The following PRR12 variants were observed in gnomAD, a reference collection of about 807,000 sequenced individuals.
PRR12 encodes proline-rich protein 12.
PRR12 carries 12 observed loss-of-function variants against 138.0 expected under a neutral mutation model. That is an observed-to-expected ratio of 0.09 (90% confidence interval 0.06 to 0.14). The LOEUF is 0.14. Among genes scored for constraint, PRR12 ranks in the 10% least tolerant of loss-of-function variants. The probability of loss-of-function intolerance (pLI) is 1.00; values close to 1 mark genes in which losing one functional copy is unlikely to be tolerated. For synonymous variants in PRR12, 1,567 were observed against 1,291.7 expected (o/e 1.21, Z -4.57); for missense variants, 2,692 against 2,861.3 (o/e 0.94, Z 1.35).
Position 49,614,593 on chromosome 19 carries a change from C to A in PRR12, c.4834C>A (p.Gln1612Lys). ...CTGGCGAGTCCAGAAGGCCCTTCTG[C>A]AGAAATTCACTCCGGAGATCAAGGA... The part of the protein sequence containing the change: ...PIWRVQKALL[Q>K]KFTPEIKDGQ... Residue 1612 changes from glutamine (Q) to lysine (K), a missense_variant, in exon 7 of 14, where the codon CAG becomes AAG. Coordinates refer to ENST00000418929, the MANE Select transcript of PRR12 (RefSeq NM_020719.3). This position sits in a 1 kb window ranked among gnomAD's most constrained non-coding sequence, Gnocchi z 5.0. 1 of 1,564,682 alleles carries A rather than the reference C, an allele frequency of 6.4e-7. No individual in the cohort carries two copies. The highest frequency in any genetic ancestry group is 8.7e-7 in the Non-Finnish European group (1 of 1,154,778).
chr19:49,625,980 G>C lies in PRR12; in HGVS notation c.*373G>C, dbSNP rs2080953663. The C allele has an allele frequency of 6.2e-6, 1 of 160,484 alleles. No homozygotes were observed. The highest frequency in any genetic ancestry group is 2.4e-5 in the African/African-American group (1 of 41,718). 9.9% of individuals were successfully genotyped at this position (160,484 alleles called of 1,614,324 possible). A position where few individuals can be genotyped will look rare whatever the true frequency, so the allele number is the denominator to read the frequency against. ...GTCTATGTATGGCTGGGGGGGGTGG[G>C]GTGGCTTCAGAGAGCTGGGGGACCC... On this transcript the variant is annotated 3_prime_UTR_variant, in exon 14 of 14. Coordinates refer to ENST00000418929, the MANE Select transcript of PRR12 (RefSeq NM_020719.3). This position sits in a 1 kb window ranked among gnomAD's most constrained non-coding sequence, Gnocchi z 5.5.
At position 49,597,600 on chromosome 19, in the gene PRR12, C is replaced by A; in HGVS notation, c.3265C>A (p.Gln1089Lys). The stretch of plus-strand genomic sequence containing the variant: ...GCTGCGGCGCCGCGACCCACCCTTC[C>A]AGACCCCCAAGAAGCTGTACGCCCA... ...HLLRRRDPPF[Q>K]TPKKLYAQEY... The change falls in exon 4 of 14, where the codon CAG becomes AAG. Residue 1089 changes from glutamine to lysine, a missense_variant. Transcript: ENST00000418929. The surrounding 1 kb of genome is among the most constrained non-coding windows in gnomAD (Gnocchi z 6.3). The A allele has an allele frequency of 6.2e-7, 1 of 1,609,616 alleles. No homozygotes were observed.
Position 49,597,731 on chromosome 19 carries a change from G to A in PRR12, c.3396G>A (p.Pro1132=), listed in dbSNP as rs371689732. 27 of 1,608,202 alleles carry A rather than the reference G, an allele frequency of 1.7e-5. No individual in the cohort carries two copies. The highest frequency in any genetic ancestry group is 3.3e-4 in the Middle Eastern group (2 of 6,054). ...TGGTCTCCAGCTGCCGCTCCCGTCCGGCCCTCTCGCCACTGGGGGACATCG... is the reference window on the plus strand; with the variant it reads ...TGGTCTCCAGCTGCCGCTCCCGTCCAGCCCTCTCGCCACTGGGGGACATCG... ...PDLVSSCRSR[P]ALSPLGDIDF... Residue 1132 remains proline, a synonymous_variant, in exon 4 of 14, where the codon CCG becomes CCA. Coordinates refer to ENST00000418929, the MANE Select transcript of PRR12 (RefSeq NM_020719.3). This position sits in a 1 kb window ranked among gnomAD's most constrained non-coding sequence, Gnocchi z 6.3.
In PRR12 at chr19:49,614,167, C is replaced by T. The variant is rs192330850; in HGVS notation, c.4774-366C>T. 2.0e-5 allele frequency among the ~76,000 whole-genome samples: 3 copies of T among 152,234 alleles called. No individual in the cohort carries two copies. Among genetic ancestry groups the T allele is most frequent in the African/African-American group, 2.4e-5 (1 of 41,522 alleles). On this transcript the variant is annotated intron_variant, in intron 6 of 13. Coordinates refer to ENST00000418929, the MANE Select transcript of PRR12 (RefSeq NM_020719.3). The surrounding 1 kb of genome is among the most constrained non-coding windows in gnomAD (Gnocchi z 5.0). ...GGGGGACAGTCAGACCACAACAGGA[C>T]GTCTTGCTCACAACCGTACTCTCCT...
At position 49,594,644 on chromosome 19, in the gene PRR12, A is replaced by T. The variant is rs751243234; in HGVS notation, c.361+29A>T. On this transcript the variant is annotated intron_variant, in intron 3 of 13. Transcript: ENST00000418929. The surrounding 1 kb of genome is among the most constrained non-coding windows in gnomAD (Gnocchi z 5.6). Reference sequence around the variant, plus strand: ...AGCCCAGCGCCGGCCCTGCAGGGCCAGGGTGGGACTGGCTCGCTGTTCTCT... The same window carrying T: ...AGCCCAGCGCCGGCCCTGCAGGGCCTGGGTGGGACTGGCTCGCTGTTCTCT... 6.2e-7 allele frequency: 1 copy of T among 1,610,996 alleles called. No individual in the cohort carries two copies. The highest frequency in any genetic ancestry group is 8.5e-7 in the Non-Finnish European group (1 of 1,179,320).
chr19:49,605,422 C>T (rs542209158), intron 6 of PRR12, among the ~76,000 whole-genome samples: 1 of 151,378 alleles, frequency 6.6e-6, no homozygotes, highest in South Asian at 2.1e-4. Context: ...GCCACCATGC[C>T]TGGCTAATTT....
At position 49,594,974 on chromosome 19, in the gene PRR12, C is replaced by A. The variant is rs372297028; in HGVS notation, c.639C>A (p.Val213=). The change falls in exon 4 of 14, where the codon GTC becomes GTA. Residue 213 remains valine (V), a synonymous_variant. Transcript: ENST00000418929. This position sits in a 1 kb window ranked among gnomAD's most constrained non-coding sequence, Gnocchi z 5.6. ...TCGAGCGCCTGGCAGGGGGCGGTGT[C>A]TTGGGGCCAGCTGGTCTCGGTCCAG... ...LGFERLAGGG[V]LGPAGLGPAQ... is the part of the protein sequence containing the mutation. 27 of 1,599,814 alleles carry A rather than the reference C, an allele frequency of 1.7e-5. No homozygotes were observed. The East Asian group carries it at 6.1e-4, about 36-fold the overall frequency.
chr19:49,602,034 G>A (rs954445295), intron 6 of PRR12, 116 bp downstream of exon 6: 29 of 1,331,606 alleles, frequency 2.2e-5, no homozygotes, highest in Middle Eastern at 2.6e-4. Flanking sequence ...TGGCCGGGCC[G>A]CCCTGGAATT....
At chr19:49,608,348 A>T (rs1337846022) in intron 6 of PRR12, among the ~76,000 whole-genome samples, 6 of 151,744 alleles carry the variant, frequency 4.0e-5, no homozygotes, top group Admixed American at 1.3e-4. Context: ...TTTTTTTAAA[A>T]TTTTTTATTT....
chr19:49,601,457 TAAC>T (rs1417340691), intron 5 of PRR12, 31 bp from the exon 6 acceptor site: 1 of 1,248,322 alleles, frequency 8.0e-7, no homozygotes, highest in Admixed American at 2.4e-5. Context: ...GAATGATGAA[TAAC>T]ATCCAGGCCT....
chr19:49,602,035 C>G (rs2080814948), intron 6 of PRR12, 117 bp downstream of exon 6: 1 of 1,328,524 alleles, frequency 7.5e-7, no homozygotes, highest in African/African-American at 1.5e-5. Flanking sequence ...GGCCGGGCCG[C>G]CCTGGAATTT....
rs2080725386 is a variant in PRR12 at position 49,591,486 on chromosome 19, C to T, written c.-169C>T. ...CCTCCGCCCCTGCCCCCTCCCTCCC[C>T]CGCCCGGGGCCTTCCCGGGCCTTCG... On this transcript the variant is annotated 5_prime_UTR_variant, in exon 1 of 14. Coordinates refer to ENST00000418929, the MANE Select transcript of PRR12 (RefSeq NM_020719.3). Among the ~76,000 whole-genome samples the T allele has an allele frequency of 6.7e-6, 1 of 150,172 alleles. No homozygotes were observed. The highest frequency in any genetic ancestry group is 6.6e-5 in the Admixed American group (1 of 15,194).
chr19:49,592,247 C>T (rs914692336), intron 1 of PRR12, among the ~76,000 whole-genome samples: 2 of 152,040 alleles, frequency 1.3e-5, no homozygotes, highest in African/African-American at 4.8e-5. Flanking sequence ...GGCACGGGGC[C>T]CCGCCCCCTT....
In PRR12 at chr19:49,599,594, A is replaced by G. The variant is rs747862448; in HGVS notation, c.4001A>G (p.His1334Arg). ...CCCCCTGCCACCCCTGCTGTGCCAC[A>G]TCCCCCACCTTCCGGAGCCTTTGGG... Reference protein sequence around the residue: ...PQPPATPAVPHPPPSGAFGLG... With the variant: ...PQPPATPAVPRPPPSGAFGLG... The change falls in exon 5 of 14, where the codon CAT becomes CGT. Residue 1334 changes from histidine to arginine, a missense_variant. By Grantham distance (29) the His-to-Arg change is conservative. Transcript: ENST00000418929. The surrounding 1 kb of genome is among the most constrained non-coding windows in gnomAD (Gnocchi z 5.0). The G allele has an allele frequency of 2.8e-4, 440 of 1,597,732 alleles. 5 individuals carry two copies. In the East Asian group the frequency reaches 9.9e-3, roughly 36 times the overall value.
In PRR12 at chr19:49,596,075, C is replaced by A. The variant is rs201592499; in HGVS notation, c.1740C>A (p.Val580=). The change falls in exon 4 of 14, where the codon GTC becomes GTA. Residue 580 remains valine, a synonymous_variant. Transcript: ENST00000418929. This position sits in a 1 kb window ranked among gnomAD's most constrained non-coding sequence, Gnocchi z 5.6. ...SPPATGRPPG[V]GSPGAPGKYL... Reference sequence around the variant, plus strand: ...CTGCCACCGGCCGTCCACCTGGAGTCGGCTCTCCAGGAGCCCCTGGCAAAT... The same window carrying A: ...CTGCCACCGGCCGTCCACCTGGAGTAGGCTCTCCAGGAGCCCCTGGCAAAT... The A allele has an allele frequency of 6.2e-7, 1 of 1,601,634 alleles. No individual in the cohort carries two copies. The highest frequency in any genetic ancestry group is 1.3e-5 in the African/African-American group (1 of 74,932).
chr19:49,598,033 T>G lies in PRR12; in HGVS notation c.3678+20T>G, dbSNP rs1304536361. ...CTTAAGGTGAGGGGAAATGGGGTCT[T>G]GTAGGGGATAGGGGAGGAGGAGCTG... On this transcript the variant is annotated intron_variant, in intron 4 of 13. Coordinates refer to ENST00000418929, the MANE Select transcript of PRR12 (RefSeq NM_020719.3). 3.7e-6 allele frequency: 5 copies of G among 1,337,632 alleles called. No homozygotes were observed. Among genetic ancestry groups the G allele is most frequent in the Middle Eastern group, 5.5e-4 (2 of 3,624 alleles). The allele number at this position is 1,337,632 out of a possible 1,614,324, so 82.9% of individuals were successfully genotyped here. A position where few individuals can be genotyped will look rare whatever the true frequency, so the allele number is the denominator to read the frequency against.
intron 5 of PRR12, 102 bp downstream of exon 5, chr19:49,600,040 A>T: frequency 8.2e-7 from 1 of 1,216,910 alleles, no homozygotes; most frequent in Non-Finnish European, 1.1e-6. Flanking sequence ...CACCATTCAC[A>T]TACATGGTGT....
In PRR12 at chr19:49,615,802, C is replaced by G. The variant is rs546267889; in HGVS notation, c.5080C>G (p.Pro1694Ala). 54 of 1,612,958 alleles carry G rather than the reference C, an allele frequency of 3.3e-5. No homozygotes were observed. In the African/African-American group the frequency reaches 3.6e-4, roughly 11 times the overall value. ...TGCTGGGGGTAGCTCTGCACCTCCC[C>G]CTAAGGCCCCAGCACCACCTCCCAA... is the stretch of plus-strand genomic sequence containing the variant. ...VSAGGSSAPP[P>A]KAPAPPPKPE... Residue 1694 changes from proline (P) to alanine (A), a missense_variant, in exon 9 of 14, where the codon CCT (proline) becomes GCT (alanine). Transcript: ENST00000418929.
Position 49,595,967 on chromosome 19 carries a change from TG to T in PRR12, c.1637del (p.Gly546ValfsTer45). The T allele has an allele frequency of 6.2e-7, 1 of 1,600,340 alleles. No homozygotes were observed. On this transcript the variant is annotated frameshift_variant, in exon 4 of 14. Coordinates refer to ENST00000418929, the MANE Select transcript of PRR12 (RefSeq NM_020719.3). LOFTEE classifies it high-confidence loss of function. The stretch of plus-strand genomic sequence containing the variant: ...GCCATTCCCCAGCGCTCTCGGGCCA[TG>T]GGGGTGGCTGGGGACCCAGCTCCCT... ...TGHSPALSGHGGGWGPSSLGG... is the reference protein window; with the variant it reads ...TGHSPALSGHXGGWGPSSLGG...
Sources: allele counts gnomAD v4.1 joint callset (sites outside exome capture counted in the v4.1 genomes callset), GRCh38; gene constraint gnomAD v4.1.1; non-coding constraint Gnocchi (gnomAD v3.1); transcripts MANE v1.5; gene names NCBI Gene and HGNC (gene_info 2026-07-23, HGNC 2026-07-21).